The following CADM2 variants were observed in gnomAD, a reference collection of about 807,000 sequenced individuals.
The protein encoded by CADM2 is immunoglobulin superfamily member 4D.
In CADM2, 12 loss-of-function variants were observed where a neutral mutation model predicts 49.8. The observed-to-expected ratio is 0.24, with a 90% CI of 0.15 to 0.39. The LOEUF (loss-of-function observed/expected upper bound fraction) is 0.39. CADM2 is among the 10% of genes least tolerant of loss of function. CADM2 has a pLI of 1.00. For missense variants in CADM2, 378 were observed against 492.3 expected (o/e 0.77, Z 2.20); for synonymous variants, 214 against 175.4 (o/e 1.22, Z -1.74).
Position 85,809,787 on chromosome 3 carries a change from TC to T in CADM2, c.238+7592del, listed in dbSNP as rs1479612474. Among the ~76,000 whole-genome samples, 326 of 108,306 alleles carry T rather than the reference TC, an allele frequency of 3.0e-3. 34 individuals carry two copies. The highest frequency in any genetic ancestry group is 0.012 in the South Asian group (30 of 2,566). 71.1% of individuals were successfully genotyped at this position (108,306 alleles called of 152,430 possible). On this transcript the variant is annotated intron_variant, in intron 3 of 9. Transcript: ENST00000383699. ...CCCTCTCTCTCTCTCTCTCTCTCTC[TC>T]TCTCTTTCTTTCTTTCTTTCTTTCT...
chr3:85,791,746 C>T (rs1398697857), intron 2 of CADM2, among the ~76,000 whole-genome samples: 1 of 150,742 alleles, frequency 6.6e-6, no homozygotes, highest in Non-Finnish European at 1.5e-5. Context: ...GTTTTTGAGA[C>T]AGACTCTCAC....
chr3:85,590,471 G>T (rs2063075042), intron 1 of CADM2, among the ~76,000 whole-genome samples: 1 of 151,958 alleles, frequency 6.6e-6, no homozygotes, highest in South Asian at 2.1e-4. Flanking sequence ...AAATACACAT[G>T]TGGCATGTTA....
chr3:85,390,669 C>T (rs532141117), intron 1 of CADM2, among the ~76,000 whole-genome samples: 1 of 152,036 alleles, frequency 6.6e-6, no homozygotes, highest in East Asian at 1.9e-4. Flanking sequence ...AAATCTTCAT[C>T]CTGAAAAGTG....
At chr3:85,520,374 A>C (rs2061003316) in intron 1 of CADM2, among the ~76,000 whole-genome samples, 1 of 152,056 alleles carries the variant, frequency 6.6e-6, no homozygotes, top group African/African-American at 2.4e-5. Context: ...AACTGATCAA[A>C]ATATGTTGAT....
intron 2 of CADM2, among the ~76,000 whole-genome samples, chr3:85,777,360 A>AT (rs1264491954): frequency 6.6e-6 from 1 of 151,894 alleles, no homozygotes; most frequent in African/African-American, 2.4e-5. Context: ...GGTTCAAGCA[A>AT]TTCTCTTGCC....
intron 1 of CADM2, among the ~76,000 whole-genome samples, chr3:85,651,984 C>CTTTT (rs75263402): frequency 7.6e-5 from 8 of 105,492 alleles, no homozygotes; most frequent in East Asian, 2.8e-4. Flanking sequence ...CGCCCGGCTA[C>CTTTT]TTTTTTTTTT....
intron 2 of CADM2, among the ~76,000 whole-genome samples, chr3:85,780,608 C>T (rs2070586548): frequency 6.6e-6 from 1 of 152,156 alleles, no homozygotes; most frequent in African/African-American, 2.4e-5. Flanking sequence ...TTTCTCTTTT[C>T]ATTTTTTCAG....
intron 1 of CADM2, among the ~76,000 whole-genome samples, chr3:85,714,250 A>T (rs2067209480): frequency 6.6e-6 from 1 of 152,196 alleles, no homozygotes. Context: ...ATAAAGAGTT[A>T]GGAAACACTG....
At chr3:85,688,840 T>A (rs2107675436) in intron 1 of CADM2, among the ~76,000 whole-genome samples, 1 of 152,248 alleles carries the variant, frequency 6.6e-6, no homozygotes, top group Non-Finnish European at 1.5e-5. Flanking sequence ...TGTGCCAGGA[T>A]TACAGGCATA....
chr3:84,986,592 G>A (rs907526849), intron 1 of CADM2, among the ~76,000 whole-genome samples: 4 of 151,834 alleles, frequency 2.6e-5, no homozygotes, highest in Non-Finnish European at 5.9e-5. Flanking sequence ...ATCACACTCT[G>A]GGGACTGTTG....
At chr3:86,034,148 A>G (rs1383603844) in intron 8 of CADM2, among the ~76,000 whole-genome samples, 1 of 151,962 alleles carries the variant, frequency 6.6e-6, no homozygotes, top group African/African-American at 2.4e-5. Flanking sequence ...TCTGATTCAA[A>G]GGAAGTCTCA....
At chr3:85,136,895 C>T (rs954235734) in intron 1 of CADM2, among the ~76,000 whole-genome samples, 7 of 151,902 alleles carry the variant, frequency 4.6e-5, no homozygotes, top group African/African-American at 1.4e-4. Context: ...ATTCAGTTTG[C>T]ATTGTAGCAA....
intron 1 of CADM2, among the ~76,000 whole-genome samples, chr3:85,387,523 T>A (rs142093090): frequency 6.6e-6 from 1 of 152,276 alleles, no homozygotes; most frequent in African/African-American, 2.4e-5. Flanking sequence ...AAAATCCTGA[T>A]ACTGACAAAT....
At chr3:85,782,466 G>A (rs1047063649) in intron 2 of CADM2, among the ~76,000 whole-genome samples, 1 of 151,822 alleles carries the variant, frequency 6.6e-6, no homozygotes, top group Non-Finnish European at 1.5e-5. Flanking sequence ...CACGAGGTCA[G>A]GAGATCGAGA....
chr3:85,055,340 G>A (rs973201024), intron 1 of CADM2, among the ~76,000 whole-genome samples: 5 of 151,862 alleles, frequency 3.3e-5, no homozygotes, highest in East Asian at 3.9e-4. Context: ...AGTGTAGTCC[G>A]TGGAAACTTT....
chr3:85,313,303 A>G (rs1170071925), intron 1 of CADM2, among the ~76,000 whole-genome samples: 1 of 152,258 alleles, frequency 6.6e-6, no homozygotes, highest in Non-Finnish European at 1.5e-5. Flanking sequence ...GACTAAGAAT[A>G]GGATTTATTT....
intron 1 of CADM2, among the ~76,000 whole-genome samples, chr3:85,276,979 A>C (rs1016521339): frequency 6.6e-6 from 1 of 151,324 alleles, no homozygotes; most frequent in South Asian, 2.1e-4. Context: ...AAAATTTAAT[A>C]TGGTATTTAT....
intron 1 of CADM2, among the ~76,000 whole-genome samples, chr3:85,165,570 A>G (rs374388972): frequency 6.6e-5 from 10 of 151,980 alleles, no homozygotes; most frequent in African/African-American, 2.4e-4. Context: ...TACACTTTTG[A>G]TAGTTAAAAG....
intron 1 of CADM2, among the ~76,000 whole-genome samples, chr3:85,103,701 C>T (rs906177225): frequency 1.3e-5 from 2 of 152,092 alleles, no homozygotes; most frequent in Non-Finnish European, 2.9e-5. Context: ...GTACTTTGGA[C>T]ATCTGGCAAG....
Sources: gnomAD v4.1 joint callset for allele counts (sites outside exome capture counted in the v4.1 genomes callset) on GRCh38, gnomAD v4.1.1 for gene constraint, MANE v1.5 for transcripts, NCBI Gene and HGNC (gene_info 2026-07-23, HGNC 2026-07-21) for gene names.